The following ETS1 variants were observed in gnomAD, a reference collection of about 807,000 sequenced individuals.
ETS1 encodes ETS proto-oncogene 1, transcription factor.
ETS1 carries 15 observed loss-of-function variants against 58.6 expected under a neutral mutation model. The ratio of observed to expected loss-of-function variants is 0.26; its 90% CI spans 0.17 to 0.39. The LOEUF is 0.39. ETS1 is among the 10% of genes least tolerant of loss of function. The pLI, the probability that ETS1 is intolerant of heterozygous loss-of-function variation, is 1.00. For missense variants in ETS1, 417 were observed against 610.5 expected, an observed-to-expected ratio of 0.68 and a Z score of 3.34; for synonymous variants, 214 against 218.2, an observed-to-expected ratio of 0.98 and a Z score of 0.17.
At chr11:128,475,696 C>T (rs1186781497) in intron 8 of ETS1, among the ~76,000 whole-genome samples, 4 of 151,848 alleles carry the variant, frequency 2.6e-5, no homozygotes, top group Middle Eastern at 3.4e-3. Context: ...GGACTACAGG[C>T]GCCCACCACC....
At chr11:128,474,240 G>T (rs1159114540) in intron 8 of ETS1, among the ~76,000 whole-genome samples, 4 of 152,192 alleles carry the variant, frequency 2.6e-5, no homozygotes, top group African/African-American at 9.6e-5. Context: ...GTATTGTACA[G>T]TATGAATAGA....
chr11:128,532,508 A>G (rs1274279420), intron 3 of ETS1, among the ~76,000 whole-genome samples: 1 of 152,172 alleles, frequency 6.6e-6, no homozygotes, highest in East Asian at 1.9e-4. Context: ...GGGAAAGCAG[A>G]CTTAATTGGT....
At chr11:128,511,504 A>G (rs1324469264) in intron 3 of ETS1, among the ~76,000 whole-genome samples, 1 of 152,164 alleles carries the variant, frequency 6.6e-6, no homozygotes, top group Non-Finnish European at 1.5e-5. Context: ...CAGAGCCTAT[A>G]TCATAGTGAT....
intron 1 of ETS1, among the ~76,000 whole-genome samples, chr11:128,584,127 A>G (rs145218698): frequency 8.0e-4 from 122 of 152,272 alleles, no homozygotes; most frequent in East Asian, 3.9e-3. Context: ...AATAAAACTG[A>G]TATTTGTCAG....
At chr11:128,522,256 G>A in intron 3 of ETS1, 1 of 1,164,304 alleles carries the variant, frequency 8.6e-7, no homozygotes, top group Non-Finnish European at 1.1e-6. Flanking sequence ...CTCCTGCCCG[G>A]CCCTCGCCCG....
intron 3 of ETS1, among the ~76,000 whole-genome samples, chr11:128,548,832 A>T (rs1864180702): frequency 6.6e-6 from 1 of 152,120 alleles, no homozygotes; most frequent in African/African-American, 2.4e-5. Context: ...CGGAGCAATG[A>T]TTTCTGTTTT....
chr11:128,561,061 A>G (rs1197489618), intron 2 of ETS1, among the ~76,000 whole-genome samples: 1 of 152,178 alleles, frequency 6.6e-6, no homozygotes, highest in Non-Finnish European at 1.5e-5. Context: ...TTATAGAGAG[A>G]GAAAGACGGT....
intron 8 of ETS1, among the ~76,000 whole-genome samples, chr11:128,471,079 G>A (rs541464843): frequency 1.3e-5 from 2 of 152,288 alleles, no homozygotes; most frequent in South Asian, 4.1e-4. Flanking sequence ...CTTCACCTAA[G>A]TATTGTATAG....
intron 2 of ETS1, among the ~76,000 whole-genome samples, chr11:128,569,849 T>C (rs894315621): frequency 6.6e-6 from 1 of 152,208 alleles, no homozygotes; most frequent in African/African-American, 2.4e-5. Context: ...AGAACAATAA[T>C]TCAGCAGCTC....
rs910004557 is a variant in ETS1 at position 128,541,489 on chromosome 11, C to T, written c.214+14802G>A. Among the ~76,000 whole-genome samples the T allele has an allele frequency of 2.0e-5, 3 of 152,146 alleles. No homozygotes were observed. The South Asian group carries it at 6.2e-4, about 32-fold the overall frequency. The stretch of plus-strand genomic sequence containing the variant: ...AGTATTAGGCTAGGCATTGAGGATA[C>T]AGAAATAAATGGTGAAGTCCTTTTG... On this transcript the variant is annotated intron_variant, in intron 3 of 9. Coordinates refer to ENST00000392668, the MANE Select transcript of ETS1 (RefSeq NM_001143820.2).
chr11:128,517,672 CAG>C (rs1025590900), intron 3 of ETS1, among the ~76,000 whole-genome samples: 3 of 152,176 alleles, frequency 2.0e-5, no homozygotes, highest in African/African-American at 4.8e-5. Context: ...GTAACCATTG[CAG>C]AGTTATCTGC....
At chr11:128,525,376 A>T (rs1457545984) in intron 3 of ETS1, among the ~76,000 whole-genome samples, 3 of 152,196 alleles carry the variant, frequency 2.0e-5, no homozygotes, top group Non-Finnish European at 1.5e-5. Flanking sequence ...TCAATAAAAA[A>T]GAAATATAAA....
At chr11:128,586,022 T>C (rs886493902) in intron 1 of ETS1, among the ~76,000 whole-genome samples, 1 of 152,148 alleles carries the variant, frequency 6.6e-6, no homozygotes, top group East Asian at 1.9e-4. Flanking sequence ...CAGGACATCC[T>C]TTCACAGCCA....
intron 2 of ETS1, among the ~76,000 whole-genome samples, chr11:128,558,024 C>T (rs1402003083): frequency 2.6e-5 from 4 of 152,112 alleles, no homozygotes; most frequent in African/African-American, 9.7e-5. Flanking sequence ...TGACAATGAA[C>T]CCAAAAGGCA....
At chr11:128,474,177 T>C (rs1354647542) in intron 8 of ETS1, among the ~76,000 whole-genome samples, 1 of 152,180 alleles carries the variant, frequency 6.6e-6, no homozygotes, top group Admixed American at 6.5e-5. Context: ...GTATCCAAAA[T>C]CCAGGCACCC....
At chr11:128,535,295 T>A (rs1421182991) in intron 3 of ETS1, among the ~76,000 whole-genome samples, 1 of 152,222 alleles carries the variant, frequency 6.6e-6, no homozygotes, top group African/African-American at 2.4e-5. Flanking sequence ...TCTTGTAAAT[T>A]CGTTTAAGTT....
At chr11:128,488,772 C>T (rs550652393) in intron 5 of ETS1, among the ~76,000 whole-genome samples, 1 of 152,132 alleles carries the variant, frequency 6.6e-6, no homozygotes, top group East Asian at 1.9e-4. Context: ...AGTTCCTGCT[C>T]CAGATGTAAA....
intron 3 of ETS1, among the ~76,000 whole-genome samples, chr11:128,548,202 G>A (rs1029209319): frequency 6.7e-6 from 1 of 148,394 alleles, no homozygotes; most frequent in Non-Finnish European, 1.5e-5. Flanking sequence ...AGTGAGAGAC[G>A]AAGGAAGAAA....
chr11:128,539,007 C>G (rs1010446486), intron 3 of ETS1, among the ~76,000 whole-genome samples: 1 of 152,068 alleles, frequency 6.6e-6, no homozygotes. Flanking sequence ...GATACACATA[C>G]GAAAAAGAAA....
Sources: gnomAD v4.1 joint callset for allele counts (sites outside exome capture counted in the v4.1 genomes callset) on GRCh38, gnomAD v4.1.1 for gene constraint, MANE v1.5 for transcripts, NCBI Gene and HGNC (gene_info 2026-07-23, HGNC 2026-07-21) for gene names.